The following ATF3 variants were observed in gnomAD, a reference collection of about 807,000 sequenced individuals.
ATF3 encodes cyclic AMP-dependent transcription factor ATF-3.
A neutral mutation model predicts 18.4 loss-of-function variants in ATF3; 10 were observed. The observed-to-expected ratio is 0.54, with a 90% CI of 0.34 to 0.92. The LOEUF (loss-of-function observed/expected upper bound fraction) is 0.92, where lower values mean the gene tolerates loss of function less well. ATF3 is among the 40% of genes least tolerant of loss of function. The pLI is 0.02. For missense variants in ATF3, 183 were observed against 222.3 expected (o/e 0.82, Z 1.12); for synonymous variants, 78 against 87.9 (o/e 0.89, Z 0.63).
intron 1 of ATF3, among the ~76,000 whole-genome samples, chr1:212,594,539 C>T (rs1664953443): frequency 6.6e-6 from 1 of 152,032 alleles, no homozygotes; most frequent in South Asian, 2.1e-4. Context: ...AACATTTTGC[C>T]TTATTAGGGT....
chr1:212,573,607 C>T (rs573422040), intron 1 of ATF3, among the ~76,000 whole-genome samples: 1 of 151,992 alleles, frequency 6.6e-6, no homozygotes, highest in Non-Finnish European at 1.5e-5. Context: ...GATAGATTTT[C>T]CATATTTGTC....
At chr1:212,610,170 C>T (rs1654837818) in intron 1 of ATF3, among the ~76,000 whole-genome samples, 1 of 152,224 alleles carries the variant, frequency 6.6e-6, no homozygotes, top group African/African-American at 2.4e-5. Context: ...TTCTCATCTA[C>T]TTCCTTTCCT....
At chr1:212,609,375 T>TGGGGGGGGGGG (rs1192833712) in intron 1 of ATF3, among the ~76,000 whole-genome samples, 1 of 67,270 alleles carries the variant, frequency 1.5e-5, no homozygotes, top group Non-Finnish European at 3.1e-5. Context: ...CCTTCCCGGG[T>TGGGGGGGGGGG]GGGGGGGGGG....
At chr1:212,575,918 A>C (rs1190509397) in intron 1 of ATF3, among the ~76,000 whole-genome samples, 1 of 152,166 alleles carries the variant, frequency 6.6e-6, no homozygotes, top group Non-Finnish European at 1.5e-5. Flanking sequence ...TACATGAAAA[A>C]TGAGATTAAG....
chr1:212,611,090 A>G (rs1396631435), intron 1 of ATF3, among the ~76,000 whole-genome samples: 1 of 152,164 alleles, frequency 6.6e-6, no homozygotes, highest in Admixed American at 6.5e-5. Context: ...CAGCCAGGGG[A>G]GGAGGAAGGA....
chr1:212,593,599 G>A (rs1403920471), intron 1 of ATF3, among the ~76,000 whole-genome samples: 1 of 152,000 alleles, frequency 6.6e-6, no homozygotes, highest in Admixed American at 6.6e-5. Flanking sequence ...AAATTAGCCA[G>A]GCATGGTGGC....
chr1:212,578,544 T>A (rs1401326712), intron 1 of ATF3, among the ~76,000 whole-genome samples: 1 of 152,204 alleles, frequency 6.6e-6, no homozygotes, highest in Non-Finnish European at 1.5e-5. Flanking sequence ...TTCTATCTGG[T>A]GCATTTTAAA....
chr1:212,614,548 C>CT (rs766298744), intron 1 of ATF3, among the ~76,000 whole-genome samples: 135 of 107,952 alleles, frequency 1.3e-3, no homozygotes, highest in African/African-American at 3.9e-3. Flanking sequence ...GAAAAAGAGG[C>CT]TTTTTTTTTT....
chr1:212,587,586 T>C (rs1278916344), intron 1 of ATF3, among the ~76,000 whole-genome samples: 2 of 152,104 alleles, frequency 1.3e-5, no homozygotes, highest in Non-Finnish European at 2.9e-5. Context: ...AACACGGAAA[T>C]ACCCCAGAAT....
At chr1:212,610,214 T>A (rs971492733) in intron 1 of ATF3, among the ~76,000 whole-genome samples, 1 of 152,248 alleles carries the variant, frequency 6.6e-6, no homozygotes, top group Non-Finnish European at 1.5e-5. Flanking sequence ...TTTCATTGCA[T>A]AGGTCACATA....
chr1:212,578,766 T>C (rs1238274486), intron 1 of ATF3, among the ~76,000 whole-genome samples: 2 of 152,164 alleles, frequency 1.3e-5, no homozygotes, highest in Non-Finnish European at 2.9e-5. Context: ...TTTTTCTCCC[T>C]CACTCGGTGC....
At chr1:212,605,521 G>A (rs1382950911), upstream of ATF3, among the ~76,000 whole-genome samples, 3 of 152,228 alleles carry the variant, frequency 2.0e-5, no homozygotes, top group Non-Finnish European at 4.4e-5. Context: ...TTCTGGGCAC[G>A]AATACAGTCT....
chr1:212,588,586 G>A (rs1664822175), intron 1 of ATF3, among the ~76,000 whole-genome samples: 1 of 151,706 alleles, frequency 6.6e-6, no homozygotes, highest in South Asian at 2.1e-4. Context: ...CATGTACAGA[G>A]TTTAAAAACT....
chr1:212,612,557 G>T lies in ATF3; in HGVS notation c.-4-2461G>T, dbSNP rs11571533. Among the ~76,000 whole-genome samples, 1,174 of 152,334 alleles carry T rather than the reference G, an allele frequency of 7.7e-3. 13 individuals carry two copies. Among genetic ancestry groups the T allele is most frequent in the African/African-American group, 0.027 (1,105 of 41,554 alleles). ...AATCTTAAGCCTCTGGCTTTAGAAG[G>T]CTAGTTTCTCAGAGTTTATTGCCTG... On this transcript the variant is annotated intron_variant, in intron 1 of 3. Transcript: ENST00000341491.
intron 1 of ATF3, among the ~76,000 whole-genome samples, chr1:212,585,000 A>G (rs1008970152): frequency 2.6e-5 from 4 of 152,066 alleles, no homozygotes; most frequent in African/African-American, 9.7e-5. Context: ...CCCTGTGATC[A>G]CCTTATGGTG....
At chr1:212,571,317 G>T (rs964308504) in intron 1 of ATF3, among the ~76,000 whole-genome samples, 1 of 151,838 alleles carries the variant, frequency 6.6e-6, no homozygotes, top group African/African-American at 2.4e-5. Flanking sequence ...AAGTTATTTT[G>T]ATTATGATTT....
At chr1:212,570,280 CA>C (rs1189360904) in intron 1 of ATF3, among the ~76,000 whole-genome samples, 1 of 151,894 alleles carries the variant, frequency 6.6e-6, no homozygotes, top group Admixed American at 6.5e-5. Flanking sequence ...TTACTTTTTC[CA>C]CTTAGAACTT....
At chr1:212,577,004 T>C (rs1664594586) in intron 1 of ATF3, among the ~76,000 whole-genome samples, 1 of 152,138 alleles carries the variant, frequency 6.6e-6, no homozygotes, top group South Asian at 2.1e-4. Flanking sequence ...GTACCGGGAT[T>C]ACAGGCGTGA....
intron 1 of ATF3, among the ~76,000 whole-genome samples, chr1:212,599,854 C>T (rs554789896): frequency 6.6e-6 from 1 of 152,338 alleles, no homozygotes; most frequent in Admixed American, 6.5e-5. Context: ...ATCATCCCCT[C>T]CTGTTCTCCT....
Sources: gnomAD v4.1 joint callset for allele counts (sites outside exome capture counted in the v4.1 genomes callset) on GRCh38, gnomAD v4.1.1 for gene constraint, MANE v1.5 for transcripts, NCBI Gene and HGNC (gene_info 2026-07-23, HGNC 2026-07-21) for gene names.